Variants in BPIFA1 observed in about 807,000 individuals in gnomAD.
BPIFA1 encodes the protein BPI fold-containing family A member 1.
In BPIFA1, 24 loss-of-function variants were observed where a neutral mutation model predicts 25.1. The ratio of observed to expected loss-of-function variants is 0.96; its 90% CI spans 0.69 to 1.35. The LOEUF is 1.35. BPIFA1 is among the 40% of genes most tolerant of loss of function. The pLI is 0.00. For synonymous variants in BPIFA1, 139 were observed against 131.8 expected (o/e 1.05, Z -0.37); for missense variants, 344 against 303.7 (o/e 1.13, Z -0.99).
At position 33,238,228 on chromosome 20, in the gene BPIFA1, A is replaced by C. The variant is rs1233113749; in HGVS notation, c.320+14A>C. On this transcript the variant is annotated intron_variant, in intron 3 of 8. Transcript: ENST00000354297. The stretch of plus-strand genomic sequence containing the variant: ...CAACATCATTGAGTGAGTTGTCCTA[A>C]AATAGAGCTTTGATCTCCACCAGGG... The C allele has an allele frequency of 6.2e-7, 1 of 1,605,700 alleles. No homozygotes were observed. The highest frequency in any genetic ancestry group is 1.7e-5 in the Admixed American group (1 of 59,142).
intron 3 of BPIFA1, 45 bp downstream of exon 3, chr20:33,238,259 C>CAGGTGA: frequency 6.4e-7 from 1 of 1,570,588 alleles, no homozygotes; most frequent in Non-Finnish European, 8.6e-7. Context: ...CAGGGAACCC[C>CAGGTGA]AGGTGAAGAT....
At chr20:33,240,504 A>G in intron 5 of BPIFA1, 119 bp downstream of exon 5, 1 of 1,317,830 alleles carries the variant, frequency 7.6e-7, no homozygotes, top group Non-Finnish European at 1.0e-6. Context: ...GGGTGGGAAA[A>G]TGGATGGGAA....
intron 5 of BPIFA1, 43 bp from the exon 6 acceptor site, chr20:33,241,342 C>T (rs1485572574): frequency 6.5e-7 from 1 of 1,549,112 alleles, no homozygotes; most frequent in Non-Finnish European, 8.9e-7. Context: ...CTTCTCCACA[C>T]CATCTCCAGG....
chr20:33,238,345 C>A, intron 3 of BPIFA1, 131 bp downstream of exon 3: 1 of 1,103,148 alleles, frequency 9.1e-7, no homozygotes, highest in Non-Finnish European at 1.3e-6. Flanking sequence ...GGAGCCAGGA[C>A]TCAGTTCTGA....
chr20:33,238,801 G>C (rs1302838313), intron 3 of BPIFA1, among the ~76,000 whole-genome samples: 1 of 152,208 alleles, frequency 6.6e-6, no homozygotes, highest in Non-Finnish European at 1.5e-5. Context: ...AGCAAGAATG[G>C]AAGCTTGATG....
chr20:33,241,856 G>A (rs1160027141), intron 6 of BPIFA1, among the ~76,000 whole-genome samples, 200 bp from the exon 7 acceptor site: 2 of 152,240 alleles, frequency 1.3e-5, no homozygotes, highest in Non-Finnish European at 2.9e-5. Context: ...CACTGGGCTT[G>A]TTGTGTGATT....
chr20:33,240,161 G>T (rs1978889310), intron 4 of BPIFA1, 72 bp from the exon 5 acceptor site: 1 of 1,575,112 alleles, frequency 6.3e-7, no homozygotes, highest in African/African-American at 1.4e-5. Context: ...TAGCATTCTT[G>T]GCAAGGAGAA....
chr20:33,242,128 C>T lies in BPIFA1; in HGVS notation c.730+9C>T, dbSNP rs1175437277. 1 of 1,613,602 alleles carries T rather than the reference C, an allele frequency of 6.2e-7. No individual in the cohort carries two copies. Among genetic ancestry groups the T allele is most frequent in the African/African-American group, 1.3e-5 (1 of 74,908 alleles). On this transcript the variant is annotated intron_variant, in intron 7 of 8. Coordinates refer to ENST00000354297, the MANE Select transcript of BPIFA1 (RefSeq NM_130852.3). ...GGTGCATGACATTGTTAGTAAGTAC[C>T]TGCTTTCAAGCCCTCTGTCCCTCTC...
Position 33,238,287 on chromosome 20 carries a change from TGACCCTGAAGCAG to T in BPIFA1, c.320+74_320+86del, listed in dbSNP as rs1568630388. 1.9e-3 allele frequency: 1,660 copies of T among 856,986 alleles called. 19 individuals carry two copies. In the African/African-American group the frequency reaches 0.044, roughly 23 times the overall value. 53.1% of individuals were successfully genotyped at this position (856,986 alleles called of 1,614,324 possible). A position where few individuals can be genotyped will look rare whatever the true frequency, so the allele number is the denominator to read the frequency against. On this transcript the variant is annotated intron_variant, in intron 3 of 8. Coordinates refer to ENST00000354297, the MANE Select transcript of BPIFA1 (RefSeq NM_130852.3). ...GTGAAGATCTGCCAGCCCCAGGCAGTGACCCTGAAGCAGCGACCCTGAAGCAGCGAGGGAGCGG... is the reference window on the plus strand; with the variant it reads ...GTGAAGATCTGCCAGCCCCAGGCAGTCGACCCTGAAGCAGCGAGGGAGCGG...
In BPIFA1 at chr20:33,239,903, G is replaced by A; in HGVS notation, c.421G>A (p.Val141Met). The change falls in exon 4 of 9, where the codon GTG becomes ATG. Residue 141 changes from valine to methionine, a missense_variant. Transcript: ENST00000354297. Reference protein sequence around the residue: ...VTIPLGIKLQVNTPLVGASLL... With the variant: ...VTIPLGIKLQMNTPLVGASLL... ...CATCCCTCTCGGCATAAAGCTCCAA[G>A]TGAATACGTGAGTGGGTCCCAAGAG... 1.9e-6 allele frequency: 3 copies of A among 1,613,580 alleles called. No individual in the cohort carries two copies. Among genetic ancestry groups the A allele is most frequent in the East Asian group, 2.2e-5 (1 of 44,876 alleles).
chr20:33,241,319 C>T, intron 5 of BPIFA1, 66 bp from the exon 6 acceptor site: 2 of 1,436,744 alleles, frequency 1.4e-6, no homozygotes, highest in South Asian at 2.3e-5. Flanking sequence ...TTCACAGTGG[C>T]CCCCTCTGGA....
chr20:33,238,066 G>T lies in BPIFA1; in HGVS notation c.172G>T (p.Gly58Cys). ...ACACCCATTTCCAGCCCTCAGCAAT[G>T]GCCTGCTGTCTGGGGGCCTGTTGGG... ...AGSLTNALSN[G>C]LLSGGLLGIL... The change falls in exon 3 of 9, where the codon GGC becomes TGC. Residue 58 changes from glycine to cysteine, a missense_variant. Transcript: ENST00000354297. The T allele has an allele frequency of 6.2e-7, 1 of 1,613,502 alleles. No individual in the cohort carries two copies. The highest frequency in any genetic ancestry group is 8.5e-7 in the Non-Finnish European group (1 of 1,179,772).
chr20:33,237,156 AC>A (rs1190487464), intron 1 of BPIFA1, among the ~76,000 whole-genome samples: 1 of 152,208 alleles, frequency 6.6e-6, no homozygotes, highest in African/African-American at 2.4e-5. Flanking sequence ...CCGAGGGTTC[AC>A]CTGGCTCTAG....
rs6059183 is a variant in BPIFA1 at position 33,238,221 on chromosome 20, T to C, written c.320+7T>C. 0.25 allele frequency: 408,266 copies of C among 1,607,794 alleles called. 53,945 individuals carry two copies. Among genetic ancestry groups the C allele is most frequent in the African/African-American group, 0.37 (27,291 of 74,654 alleles). On this transcript the variant is annotated splice_region_variant and intron_variant, in intron 3 of 8. Transcript: ENST00000354297. ...GCCTGAACAACATCATTGAGTGAGT[T>C]GTCCTAAAATAGAGCTTTGATCTCC...
rs1381142419 is a variant in BPIFA1 at position 33,236,044 on chromosome 20, A to G, written c.-22A>G. 6.6e-6 allele frequency: 1 copy of G among 152,216 alleles called. No individual in the cohort carries two copies. The highest frequency in any genetic ancestry group is 1.5e-5 in the Non-Finnish European group (1 of 68,088). The allele number at this position is 152,216 out of a possible 1,614,324, so 9.4% of individuals were successfully genotyped here. A position where few individuals can be genotyped will look rare whatever the true frequency, so the allele number is the denominator to read the frequency against. ...AGGACAGCTGCTGAGACCTCTAAGAAGTCCAGGTAAGAGCCATCCATTCTG... is the reference window on the plus strand; with the variant it reads ...AGGACAGCTGCTGAGACCTCTAAGAGGTCCAGGTAAGAGCCATCCATTCTG... On this transcript the variant is annotated 5_prime_UTR_variant, in exon 1 of 9. Coordinates refer to ENST00000354297, the MANE Select transcript of BPIFA1 (RefSeq NM_130852.3).
At position 33,241,378 on chromosome 20, in the gene BPIFA1, C is replaced by G. The variant is rs1311157816; in HGVS notation, c.582-7C>G. 1 of 1,611,242 alleles carries G rather than the reference C, an allele frequency of 6.2e-7. No homozygotes were observed. Among genetic ancestry groups the G allele is most frequent in the African/African-American group, 1.3e-5 (1 of 74,874 alleles). On this transcript the variant is annotated splice_region_variant and splice_polypyrimidine_tract_variant and intron_variant, in intron 5 of 8. Transcript: ENST00000354297. ...TCCCTGCATCACCCATGACTTTTCT[C>G]TTTCAGACTTGGCCCCCTCCCCATT...
chr20:33,242,171 C>G (rs754229920), intron 7 of BPIFA1, 52 bp downstream of exon 7: 2 of 1,581,008 alleles, frequency 1.3e-6, no homozygotes, highest in East Asian at 4.5e-5. Flanking sequence ...GCAGCAACTT[C>G]CCCCAAGGAG....
At chr20:33,242,466 A>ATTGC (rs767880749) in intron 7 of BPIFA1, 21 bp from the exon 8 acceptor site, 2 of 1,613,360 alleles carry the variant, frequency 1.2e-6, no homozygotes, top group East Asian at 4.5e-5. Flanking sequence ...CTGTTTTTTT[A>ATTGC]TTGCTTGTTT....
chr20:33,242,193 C>A, intron 7 of BPIFA1, 74 bp downstream of exon 7: 2 of 1,467,112 alleles, frequency 1.4e-6, no homozygotes, highest in East Asian at 2.3e-5. Context: ...TTTTTCCCTG[C>A]ACACCCTAGG....
Sources: gnomAD v4.1 joint callset for allele counts (sites outside exome capture counted in the v4.1 genomes callset) on GRCh38, gnomAD v4.1.1 for gene constraint, MANE v1.5 for transcripts, NCBI Gene and HGNC (gene_info 2026-07-23, HGNC 2026-07-21) for gene names.